The following COL7A1 variants were observed in gnomAD, a reference collection of about 807,000 sequenced individuals.
COL7A1 encodes the protein collagen alpha-1(VII) chain.
COL7A1 carries 296 observed loss-of-function variants against 456.2 expected under a neutral mutation model. That is an observed-to-expected ratio of 0.65 (90% CI 0.59 to 0.71). The LOEUF (loss-of-function observed/expected upper bound fraction) is 0.71. Ranked by LOEUF, COL7A1 falls within the 30% of genes least tolerant of loss-of-function variation. The pLI is 0.00. For missense variants in COL7A1, 3,441 were observed against 4,017.2 expected, an observed-to-expected ratio of 0.86 and a Z score of 3.88; for synonymous variants, 1,464 against 1,525.9, an observed-to-expected ratio of 0.96 and a Z score of 0.95.
chr3:48,576,543 G>C lies in COL7A1; in HGVS notation c.5715C>G (p.Val1905=). ...TCACCTTGGGGCCCGTGCCTCCTGG[G>C]ACACCAGGAAAACCCTGAGATACGG... is the stretch of plus-strand genomic sequence containing the variant. The part of the protein sequence containing the change: ...VGPPGQGFPG[V]PGGTGPKGDR... Residue 1905 remains valine, a synonymous_variant, in exon 69 of 119, where the codon GTC becomes GTG. Coordinates refer to ENST00000681320, the MANE Select transcript of COL7A1 (RefSeq NM_000094.4). The C allele has an allele frequency of 2.5e-6, 4 of 1,610,722 alleles. No individual in the cohort carries two copies. The highest frequency in any genetic ancestry group is 3.4e-6 in the Non-Finnish European group (4 of 1,178,884).
Position 48,593,411 on chromosome 3 carries a change from C to G in COL7A1, c.465G>C (p.Leu155=), listed in dbSNP as rs754214131. 1.2e-6 allele frequency: 2 copies of G among 1,614,108 alleles called. No individual in the cohort carries two copies. The highest frequency in any genetic ancestry group is 4.5e-5 in the East Asian group (2 of 44,882). ...ILITDGKSQD[L]VDTAAQRLKG... Reference sequence around the variant, plus strand: ...TCAGCCTTTGGGCAGCTGTGTCCACCAGGTCCTGGGACTTCCCGTCTGTGA... The same window carrying G: ...TCAGCCTTTGGGCAGCTGTGTCCACGAGGTCCTGGGACTTCCCGTCTGTGA... The change falls in exon 5 of 119, where the codon CTG becomes CTC. Residue 155 remains leucine (L), a synonymous_variant. Coordinates refer to ENST00000681320, the MANE Select transcript of COL7A1 (RefSeq NM_000094.4). The surrounding 1 kb of genome is among the most constrained non-coding windows in gnomAD (Gnocchi z 4.4).
chr3:48,574,804 C>A lies in COL7A1; in HGVS notation c.6341G>T (p.Gly2114Val), dbSNP rs2044175577. Residue 2114 changes from glycine (G) to valine (V), a missense_variant, in exon 77 of 119, where the codon GGT becomes GTT. Physicochemically the swap from Gly to Val is moderately radical, Grantham distance 109. Transcript: ENST00000681320. This position sits in a 1 kb window ranked among gnomAD's most constrained non-coding sequence, Gnocchi z 5.0. ...SGEQGPPGLK[G>V]AKGEPGSNGD... is the part of the protein sequence containing the mutation. ...CTGATTCCACACACTGACCTTAGCA[C>A]CCTTGAGTCCAGGGGGTCCCTGTTC... is the stretch of plus-strand genomic sequence containing the variant. The A allele has an allele frequency of 6.2e-6, 10 of 1,613,912 alleles. No homozygotes were observed. Among genetic ancestry groups the A allele is most frequent in the South Asian group, 4.4e-5 (4 of 91,082 alleles).
In COL7A1 at chr3:48,571,529, C is replaced by T. The variant is rs2043917870; in HGVS notation, c.7069-251G>A. ...CAGGCATGGCACAGGCACAGGGAGC[C>T]CACACGCGAGTGCAGACATCTGGCT... On this transcript the variant is annotated intron_variant, in intron 92 of 118. Coordinates refer to ENST00000681320, the MANE Select transcript of COL7A1 (RefSeq NM_000094.4). This position sits in a 1 kb window ranked among gnomAD's most constrained non-coding sequence, Gnocchi z 4.6. 2 of 703,812 alleles carry T rather than the reference C, an allele frequency of 2.8e-6. No homozygotes were observed. Among genetic ancestry groups the T allele is most frequent in the Non-Finnish European group, 5.3e-6 (2 of 377,716 alleles). The allele number at this position is 703,812 out of a possible 1,614,324, so 43.6% of individuals were successfully genotyped here. A position where few individuals can be genotyped will look rare whatever the true frequency, so the allele number is the denominator to read the frequency against.
In COL7A1 at chr3:48,587,544, A is replaced by G. The variant is rs751962837; in HGVS notation, c.2868T>C (p.Arg956=). The G allele has an allele frequency of 8.7e-6, 14 of 1,613,566 alleles. No homozygotes were observed. The South Asian group carries it at 1.5e-4, about 18-fold the overall frequency. ...AEVTARTESP[R]VPSIELRVVD... is the part of the protein sequence containing the mutation. The stretch of plus-strand genomic sequence containing the variant: ...CCACACGTAGTTCAATGCTTGGAAC[A>G]CGAGGTGACTCTGAAGGAGGAATGA... Residue 956 remains arginine (R), a synonymous_variant, in exon 23 of 119, where the codon CGT becomes CGC. Transcript: ENST00000681320. This position sits in a 1 kb window ranked among gnomAD's most constrained non-coding sequence, Gnocchi z 6.1.
At chr3:48,582,090 A>C in intron 47 of COL7A1, 147 bp from the exon 48 acceptor site, 1 of 1,335,258 alleles carries the variant, frequency 7.5e-7, no homozygotes, top group East Asian at 2.3e-5. Context: ...ACAGCAGGGA[A>C]GGGGTTATAC....
intron 35 of COL7A1, 80 bp from the exon 36 acceptor site, chr3:48,584,636 A>G (rs908654063): frequency 3.1e-6 from 5 of 1,611,612 alleles, no homozygotes; most frequent in Middle Eastern, 1.6e-4. Context: ...ATGTCCAGCT[A>G]TTCCTATTCG....
chr3:48,590,361 G>A lies in COL7A1; in HGVS notation c.1907-5C>T. ...GTGTCTGGCTGGACTCCGGACCTGA[G>A]GTCAGAGGGAAATGCTGGCATGGCT... On this transcript the variant is annotated splice_region_variant and splice_polypyrimidine_tract_variant and intron_variant, in intron 15 of 118. Transcript: ENST00000681320. This position sits in a 1 kb window ranked among gnomAD's most constrained non-coding sequence, Gnocchi z 4.6. The A allele has an allele frequency of 1.2e-6, 2 of 1,614,070 alleles. No individual in the cohort carries two copies. The highest frequency in any genetic ancestry group is 1.1e-5 in the South Asian group (1 of 91,090).
rs779050891 is a variant in COL7A1 at position 48,580,543 on chromosome 3, G to T, written c.5052+38C>A. 4 of 1,605,244 alleles carry T rather than the reference G, an allele frequency of 2.5e-6. No individual in the cohort carries two copies. Among genetic ancestry groups the T allele is most frequent in the Non-Finnish European group, 3.4e-6 (4 of 1,172,912 alleles). ...GTATTGGGAATTGGCTGGTTGGAGG[G>T]TTAAGGTTGGGGTGAGGAGTCATAG... On this transcript the variant is annotated intron_variant, in intron 55 of 118. Transcript: ENST00000681320. This position sits in a 1 kb window ranked among gnomAD's most constrained non-coding sequence, Gnocchi z 4.5.
chr3:48,570,399 G>C lies in COL7A1; in HGVS notation c.7381-65C>G, dbSNP rs987675000. 9 of 1,613,868 alleles carry C rather than the reference G, an allele frequency of 5.6e-6. No homozygotes were observed. The South Asian group carries it at 9.9e-5, about 18-fold the overall frequency. Reference sequence around the variant, plus strand: ...CAGTGGGGGACGCAGGGTCATGGGAGGTCAGTGGAGGCTGAAGGGGGTGAC... The same window carrying C: ...CAGTGGGGGACGCAGGGTCATGGGACGTCAGTGGAGGCTGAAGGGGGTGAC... On this transcript the variant is annotated intron_variant, in intron 97 of 118. Coordinates refer to ENST00000681320, the MANE Select transcript of COL7A1 (RefSeq NM_000094.4). The surrounding 1 kb of genome is among the most constrained non-coding windows in gnomAD (Gnocchi z 5.5).
In COL7A1 at chr3:48,571,562, C is replaced by G. The variant is rs116675368; in HGVS notation, c.7069-284G>C. 1 of 684,266 alleles carries G rather than the reference C, an allele frequency of 1.5e-6. No individual in the cohort carries two copies. The highest frequency in any genetic ancestry group is 2.0e-5 in the Admixed American group (1 of 48,888). The allele number at this position is 684,266 out of a possible 1,614,324, so 42.4% of individuals were successfully genotyped here. A position where few individuals can be genotyped will look rare whatever the true frequency, so the allele number is the denominator to read the frequency against. On this transcript the variant is annotated intron_variant, in intron 92 of 118. Transcript: ENST00000681320. The surrounding 1 kb of genome is among the most constrained non-coding windows in gnomAD (Gnocchi z 4.6). ...GAGTGCAGACATCTGGCTCCACAGACGTGAGTGCGGACACACGGGCGCTCA... is the reference window on the plus strand; with the variant it reads ...GAGTGCAGACATCTGGCTCCACAGAGGTGAGTGCGGACACACGGGCGCTCA...
Position 48,574,905 on chromosome 3 carries a change from T to A in COL7A1, c.6280-40A>T. The A allele has an allele frequency of 6.2e-7, 1 of 1,605,872 alleles. No individual in the cohort carries two copies. The highest frequency in any genetic ancestry group is 8.5e-7 in the Non-Finnish European group (1 of 1,173,244). On this transcript the variant is annotated intron_variant, in intron 76 of 118. Coordinates refer to ENST00000681320, the MANE Select transcript of COL7A1 (RefSeq NM_000094.4). This position sits in a 1 kb window ranked among gnomAD's most constrained non-coding sequence, Gnocchi z 5.0. ...TCACAGGGGAGAGATGTCTCTGTCA[T>A]AGAGGCATGGGGGAGTCATCACAGA...
Position 48,574,630 on chromosome 3 carries a change from C to T in COL7A1, c.6393+47G>A, listed in dbSNP as rs2633959. On this transcript the variant is annotated intron_variant, in intron 78 of 118. Transcript: ENST00000681320. This position sits in a 1 kb window ranked among gnomAD's most constrained non-coding sequence, Gnocchi z 5.0. The stretch of plus-strand genomic sequence containing the variant: ...CATATGCACACCACCTCTAGTGTGC[C>T]CCCAGAAAGGAGGGGGACTCTATGG... 6.2e-7 allele frequency: 1 copy of T among 1,613,630 alleles called. No individual in the cohort carries two copies. The highest frequency in any genetic ancestry group is 1.3e-5 in the African/African-American group (1 of 74,910).
rs1253665578 is a variant in COL7A1 at position 48,581,428 on chromosome 3, C to T, written c.4818+20G>A. 1.2e-6 allele frequency: 2 copies of T among 1,613,932 alleles called. No individual in the cohort carries two copies. The highest frequency in any genetic ancestry group is 1.1e-5 in the South Asian group (1 of 91,084). On this transcript the variant is annotated intron_variant, in intron 51 of 118. Coordinates refer to ENST00000681320, the MANE Select transcript of COL7A1 (RefSeq NM_000094.4). This position sits in a 1 kb window ranked among gnomAD's most constrained non-coding sequence, Gnocchi z 5.8. Reference sequence around the variant, plus strand: ...GGGACCCCAGAAGCCTTGAGGTTGCCCAGGGTAACGGGTACTCACTGGGGG... The same window carrying T: ...GGGACCCCAGAAGCCTTGAGGTTGCTCAGGGTAACGGGTACTCACTGGGGG...
chr3:48,590,576 T>A lies in COL7A1; in HGVS notation c.1789A>T (p.Thr597Ser), dbSNP rs1428305628. 1.9e-6 allele frequency: 3 copies of A among 1,613,938 alleles called. No individual in the cohort carries two copies. The highest frequency in any genetic ancestry group is 1.7e-6 in the Non-Finnish European group (2 of 1,179,988). ...SVLTVRREPETPLAVPGLRVV... is the reference protein window; with the variant it reads ...SVLTVRREPESPLAVPGLRVV... ...CGCAGCCCTGGAACAGCAAGTGGAG[T>A]TTCCGGCTCTAGGAGTTACAGACAG... The change falls in exon 15 of 119, where the codon ACT becomes TCT. Residue 597 changes from threonine (T) to serine (S), a missense_variant. Thr to Ser is a moderately conservative substitution (Grantham distance 58). Around this residue, in one of 3 missense-constraint regions of COL7A1, gnomAD observed 913 missense variants for 1,088.2 expected, o/e 0.84. Transcript: ENST00000681320. The surrounding 1 kb of genome is among the most constrained non-coding windows in gnomAD (Gnocchi z 4.6).
At position 48,574,657 on chromosome 3, in the gene COL7A1, A is replaced by C; in HGVS notation, c.6393+20T>G. The stretch of plus-strand genomic sequence containing the variant: ...CCAGAAAGGAGGGGGACTCTATGGA[A>C]GGGTGGAGAGAGGCCTCACCCTGTC... On this transcript the variant is annotated intron_variant, in intron 78 of 118. Coordinates refer to ENST00000681320, the MANE Select transcript of COL7A1 (RefSeq NM_000094.4). The surrounding 1 kb of genome is among the most constrained non-coding windows in gnomAD (Gnocchi z 5.0). 6.2e-7 allele frequency: 1 copy of C among 1,613,912 alleles called. No individual in the cohort carries two copies. Among genetic ancestry groups the C allele is most frequent in the South Asian group, 1.1e-5 (1 of 91,084 alleles).
chr3:48,587,009 A>G lies in COL7A1; in HGVS notation c.3239T>C (p.Val1080Ala), dbSNP rs1266790285. ...EATRRVLERL[V>A]LALGPLGPQA... Reference sequence around the variant, plus strand: ...TGGCCCAAGAGGCCCAAGTGCCAACACCAGACGCTCCAGGACCCTCCTCGT... The same window carrying G: ...TGGCCCAAGAGGCCCAAGTGCCAACGCCAGACGCTCCAGGACCCTCCTCGT... The change falls in exon 25 of 119, where the codon GTG becomes GCG. Residue 1080 changes from valine to alanine, a missense_variant. Val to Ala is a moderately conservative substitution (Grantham distance 64). Coordinates refer to ENST00000681320, the MANE Select transcript of COL7A1 (RefSeq NM_000094.4). This position sits in a 1 kb window ranked among gnomAD's most constrained non-coding sequence, Gnocchi z 6.1. 1 of 1,601,378 alleles carries G rather than the reference A, an allele frequency of 6.2e-7. No homozygotes were observed. The highest frequency in any genetic ancestry group is 1.1e-5 in the South Asian group (1 of 88,768).
rs923823052 is a variant in COL7A1 at position 48,568,453 on chromosome 3, G to T, written c.7794+46C>A. Reference sequence around the variant, plus strand: ...CTGGTGGGACCACCATGGTGACGGGGGCCCTCTGGGGACAGGGGGCCCCTG... The same window carrying T: ...CTGGTGGGACCACCATGGTGACGGGTGCCCTCTGGGGACAGGGGGCCCCTG... On this transcript the variant is annotated intron_variant, in intron 105 of 118. Transcript: ENST00000681320. This position sits in a 1 kb window ranked among gnomAD's most constrained non-coding sequence, Gnocchi z 5.2. 2 of 1,561,798 alleles carry T rather than the reference G, an allele frequency of 1.3e-6. No individual in the cohort carries two copies. The highest frequency in any genetic ancestry group is 1.7e-4 in the Middle Eastern group (1 of 5,860).
In COL7A1 at chr3:48,593,687, G is replaced by A. The variant is rs746563255; in HGVS notation, c.276C>T (p.Phe92=). 5.0e-6 allele frequency: 8 copies of A among 1,614,080 alleles called. No individual in the cohort carries two copies. Among genetic ancestry groups the A allele is most frequent in the African/African-American group, 1.3e-5 (1 of 74,944 alleles). The part of the protein sequence containing the change: ...VQYSDDPRTE[F]GLDALGSGGD... ...CCCCAGAGCCAAGTGCATCCAGGCC[G>A]AACTCTGTCCTGTTGGAGGGTAGGG... is the stretch of plus-strand genomic sequence containing the variant. Residue 92 remains phenylalanine (F), a synonymous_variant, in exon 4 of 119, where the codon TTC becomes TTT. Coordinates refer to ENST00000681320, the MANE Select transcript of COL7A1 (RefSeq NM_000094.4). The surrounding 1 kb of genome is among the most constrained non-coding windows in gnomAD (Gnocchi z 4.4).
chr3:48,582,617 C>A lies in COL7A1; in HGVS notation c.4555G>T (p.Gly1519Cys). Residue 1519 changes from glycine (G) to cysteine (C), a missense_variant, in exon 45 of 119, where the codon GGT becomes TGT. Physicochemically the swap from Gly to Cys is radical, Grantham distance 159. Transcript: ENST00000681320. ...PGVAGRPGAKGPEGPPGPTGR... is the reference protein window; with the variant it reads ...PGVAGRPGAKCPEGPPGPTGR... ...CACAGTCACAGACTCACTTCAGGAC[C>A]CTTGGCTCCAGGACGTCCAGCAACC... 1 of 1,613,598 alleles carries A rather than the reference C, an allele frequency of 6.2e-7. No homozygotes were observed. The highest frequency in any genetic ancestry group is 8.5e-7 in the Non-Finnish European group (1 of 1,180,022).
Sources: gnomAD v4.1 joint callset for allele counts on GRCh38, gnomAD v4.1.1 for gene constraint, gnomAD v4.1.1 regional missense constraint, Gnocchi (gnomAD v3.1) non-coding constraint, MANE v1.5 for transcripts, NCBI Gene and HGNC (gene_info 2026-07-23, HGNC 2026-07-21) for gene names.